ANXA1: variants seen among roughly 807,000 people sequenced by gnomAD.
ANXA1 encodes annexin I (lipocortin I).
ANXA1 carries 39 observed loss-of-function variants against 47.9 expected under a neutral mutation model. The observed-to-expected ratio is 0.81, with a 90% CI of 0.63 to 1.06. ANXA1 has a LOEUF of 1.06. Ranked by LOEUF, ANXA1 falls within the 50% of genes least tolerant of loss-of-function variation. The pLI, the probability that ANXA1 is intolerant of heterozygous loss-of-function variation, is 0.00. For missense variants in ANXA1, 446 were observed against 422.7 expected, an observed-to-expected ratio of 1.06 and a Z score of -0.48; for synonymous variants, 146 against 142.5, an observed-to-expected ratio of 1.02 and a Z score of -0.17.
chr9:73,157,135 GT>G (rs922627169), intron 1 of ANXA1, among the ~76,000 whole-genome samples: 1 of 152,080 alleles, frequency 6.6e-6, no homozygotes, highest in Admixed American at 6.6e-5. Flanking sequence ...TCTTTTCTGG[GT>G]TTTTTGTGTT....
At chr9:73,155,441 A>G (rs1193607996) in intron 1 of ANXA1, among the ~76,000 whole-genome samples, 2 of 152,334 alleles carry the variant, frequency 1.3e-5, no homozygotes, top group Admixed American at 6.5e-5. Flanking sequence ...GAGTGTAGGT[A>G]TTGAAGAGTC....
rs1206824935 is a variant in ANXA1 at position 73,166,136 on chromosome 9, A to T, written c.746A>T (p.Asn249Ile). 1 of 1,612,608 alleles carries T rather than the reference A, an allele frequency of 6.2e-7. No individual in the cohort carries two copies. ...ACCAAGTACAGTAAGCATGACATGA[A>T]CAAAGTTCTGGACCTGGAGTTGAAA... ...KYTKYSKHDM[N>I]KVLDLELKGD... The change falls in exon 10 of 13, where the codon AAC becomes ATC. Residue 249 changes from asparagine (N) to isoleucine (I), a missense_variant. Transcript: ENST00000257497.
At chr9:73,153,518 A>C (rs552458325) in intron 1 of ANXA1, among the ~76,000 whole-genome samples, 3 of 152,224 alleles carry the variant, frequency 2.0e-5, no homozygotes, top group Non-Finnish European at 4.4e-5. Context: ...TTGGCACTTC[A>C]GAGCTGTAAA....
intron 11 of ANXA1, chr9:73,168,752 T>C: frequency 4.9e-6 from 1 of 202,678 alleles, no homozygotes; most frequent in Non-Finnish European, 9.9e-6. Context: ...AGAAGTTCCC[T>C]TTTTTTGTAA....
At chr9:73,163,577 C>G in intron 8 of ANXA1, 45 bp downstream of exon 8, 1 of 1,594,370 alleles carries the variant, frequency 6.3e-7, no homozygotes, top group Non-Finnish European at 8.6e-7. Flanking sequence ...ATCTTCCTAC[C>G]TTAAGTGGGG....
intron 12 of ANXA1, 23 bp downstream of exon 12, chr9:73,169,177 C>A: frequency 1.3e-6 from 2 of 1,572,480 alleles, no homozygotes; most frequent in South Asian, 1.2e-5. Flanking sequence ...TCCTCTAATG[C>A]CATCCCAACA....
chr9:73,169,208 G>C, intron 12 of ANXA1, 54 bp downstream of exon 12: 1 of 1,526,308 alleles, frequency 6.6e-7, no homozygotes, highest in South Asian at 1.3e-5. Context: ...CTTTTTGCAA[G>C]ATCTTCAAGG....
chr9:73,169,313 G>C (rs1351617432), intron 12 of ANXA1, among the ~76,000 whole-genome samples, 159 bp downstream of exon 12: 1 of 152,006 alleles, frequency 6.6e-6, no homozygotes, highest in East Asian at 1.9e-4. Context: ...ACTTTCACTG[G>C]TAAAATCTAC....
Position 73,165,201 on chromosome 9 carries a change from T to C in ANXA1, c.698T>C (p.Leu233Pro). Residue 233 changes from leucine (L) to proline (P), a missense_variant, in exon 9 of 13, where the codon CTT becomes CCT. Coordinates refer to ENST00000257497, the MANE Select transcript of ANXA1 (RefSeq NM_000700.3). ...CTTACCACCAGAAGCTATCCACAAC[T>C]TCGCAGAGGTAACAATAAATTTCTT... The part of the protein sequence containing the change: ...TILTTRSYPQ[L>P]RRVFQKYTKY... 2 of 1,612,032 alleles carry C rather than the reference T, an allele frequency of 1.2e-6. No homozygotes were observed. The highest frequency in any genetic ancestry group is 1.7e-6 in the Non-Finnish European group (2 of 1,178,596).
Position 73,167,529 on chromosome 9 carries a change from G to C in ANXA1, c.835G>C (p.Ala279Pro), listed in dbSNP as rs150591447. The part of the protein sequence containing the change: ...KCATSKPAFF[A>P]EKLHQAMKGV... ...CGCCACAAGCAAACCAGCTTTCTTT[G>C]CAGAGAAGCTTCATCAAGCCATGAA... Residue 279 changes from alanine (A) to proline (P), a missense_variant, in exon 11 of 13, where the codon GCA becomes CCA. Ala to Pro is a conservative substitution (Grantham distance 27). Coordinates refer to ENST00000257497, the MANE Select transcript of ANXA1 (RefSeq NM_000700.3). 6.2e-7 allele frequency: 1 copy of C among 1,613,186 alleles called. No homozygotes were observed. Among genetic ancestry groups the C allele is most frequent in the Non-Finnish European group, 8.5e-7 (1 of 1,179,486 alleles).
chr9:73,152,989 T>A (rs1823994930), intron 1 of ANXA1, among the ~76,000 whole-genome samples: 1 of 152,190 alleles, frequency 6.6e-6, no homozygotes, highest in Non-Finnish European at 1.5e-5. Flanking sequence ...GAGAAAGCAA[T>A]GTTGCCCTCT....
At chr9:73,157,989 GCTT>G (rs796886369) in intron 1 of ANXA1, 115 of 152,440 alleles carry the variant, frequency 7.5e-4, no homozygotes, top group African/African-American at 2.7e-3. Context: ...AATATGACAA[GCTT>G]CTTCTTTAAC....
chr9:73,159,201 G>A (rs531433437), intron 3 of ANXA1, 128 bp from the exon 4 acceptor site: 1 of 741,180 alleles, frequency 1.3e-6, no homozygotes, highest in African/African-American at 1.8e-5. Flanking sequence ...GATTTTTTAG[G>A]CTGATATATA....
intron 4 of ANXA1, 72 bp downstream of exon 4, chr9:73,159,495 G>A: frequency 7.6e-7 from 1 of 1,316,900 alleles, no homozygotes; most frequent in Non-Finnish European, 1.1e-6. Flanking sequence ...CGGAAGCACA[G>A]TTACCTAGTT....
At chr9:73,152,095 C>A in intron 1 of ANXA1, among the ~76,000 whole-genome samples, 171 bp downstream of exon 1, 1 of 152,234 alleles carries the variant, frequency 6.6e-6, no homozygotes, top group Middle Eastern at 3.4e-3. Context: ...TTAGGAATCA[C>A]AAATTACAAT....
chr9:73,166,330 T>G (rs10512015), intron 10 of ANXA1, 138 bp downstream of exon 10: 5 of 621,436 alleles, frequency 8.0e-6, no homozygotes, highest in Admixed American at 3.2e-5. Flanking sequence ...TCTGTTTCAA[T>G]TGAAGCAACG....
At chr9:73,160,462 G>T in intron 5 of ANXA1, 86 bp downstream of exon 5, 1 of 864,132 alleles carries the variant, frequency 1.2e-6, no homozygotes, top group South Asian at 2.0e-5. Context: ...TCAAAATCTA[G>T]TATAGTACCT....
At chr9:73,156,251 T>G (rs1489381476) in intron 1 of ANXA1, among the ~76,000 whole-genome samples, 2 of 151,840 alleles carry the variant, frequency 1.3e-5, no homozygotes, top group Non-Finnish European at 2.9e-5. Context: ...ACACTCATTT[T>G]GATGATTCTT....
chr9:73,159,162 A>G (rs1824097310), intron 3 of ANXA1, among the ~76,000 whole-genome samples, 167 bp from the exon 4 acceptor site: 1 of 152,212 alleles, frequency 6.6e-6, no homozygotes, highest in East Asian at 1.9e-4. Context: ...CATTCTCCCA[A>G]GTGCTTCCTT....
Sources: gnomAD v4.1 joint callset for allele counts (sites outside exome capture counted in the v4.1 genomes callset) on GRCh38, gnomAD v4.1.1 for gene constraint, MANE v1.5 for transcripts, NCBI Gene and HGNC (gene_info 2026-07-23, HGNC 2026-07-21) for gene names.